The following PTPRN2 variants were observed in gnomAD, a reference collection of about 807,000 sequenced individuals.
The protein encoded by PTPRN2 is receptor-type tyrosine-protein phosphatase N2.
PTPRN2 carries 74 observed loss-of-function variants against 118.8 expected under a neutral mutation model. That is an observed-to-expected ratio of 0.62 (90% CI 0.52 to 0.76). The LOEUF is 0.76. PTPRN2 is among the 30% of genes least tolerant of loss of function. The pLI, the probability that PTPRN2 is intolerant of heterozygous loss-of-function variation, is 0.00. For synonymous variants in PTPRN2, 641 were observed against 608.0 expected (o/e 1.05, Z -0.80); for missense variants, 1,481 against 1,394.4 (o/e 1.06, Z -0.99).
At chr7:158,071,366 CATGGTGGTGGAGGTG>C (rs1811535448) in intron 11 of PTPRN2, among the ~76,000 whole-genome samples, 2 of 50,264 alleles carry the variant, frequency 4.0e-5, no homozygotes, top group Non-Finnish European at 3.7e-5. Flanking sequence ...TGGAGGTGCT[CATGGTGGTGGAGGTG>C]CTCGTGGTGG....
In PTPRN2 at chr7:157,617,082, C is replaced by T. The variant is rs1009702129; in HGVS notation, c.2344+4280G>A. On this transcript the variant is annotated intron_variant, in intron 15 of 22. Coordinates refer to ENST00000389418, the MANE Select transcript of PTPRN2 (RefSeq NM_002847.5). This position sits in a 1 kb window ranked among gnomAD's most constrained non-coding sequence, Gnocchi z 7.5. Reference sequence around the variant, plus strand: ...GAGTCTGGATTTCAGCTCTGACGGGCGGGCTCTAAACCCCAAAGTTCTTGT... The same window carrying T: ...GAGTCTGGATTTCAGCTCTGACGGGTGGGCTCTAAACCCCAAAGTTCTTGT... The T allele has an allele frequency of 7.2e-5, 11 of 152,256 alleles. No homozygotes were observed. Among genetic ancestry groups the T allele is most frequent in the South Asian group, 2.1e-4 (1 of 4,842 alleles). 9.4% of individuals were successfully genotyped at this position (152,256 alleles called of 1,614,324 possible).
At chr7:158,047,141 G>A (rs968335289) in intron 11 of PTPRN2, among the ~76,000 whole-genome samples, 2 of 152,186 alleles carry the variant, frequency 1.3e-5, no homozygotes, top group African/African-American at 4.8e-5. Flanking sequence ...GCTGAGTGCA[G>A]ACTCTGTGTG....
chr7:158,049,458 C>G (rs890164360), intron 11 of PTPRN2, among the ~76,000 whole-genome samples: 2 of 152,206 alleles, frequency 1.3e-5, no homozygotes, highest in African/African-American at 4.8e-5. Flanking sequence ...GAACTGCTGC[C>G]TGAGCATCCA....
intron 7 of PTPRN2, among the ~76,000 whole-genome samples, chr7:158,136,917 C>T (rs143876726): frequency 0.014 from 2,118 of 152,224 alleles, 48 homozygotes; most frequent in African/African-American, 0.049. Flanking sequence ...AAATGGTAGA[C>T]GTGAAGGCAG....
chr7:157,852,456 G>A lies in PTPRN2; in HGVS notation c.1788+46217C>T, dbSNP rs542370231. Among the ~76,000 whole-genome samples the A allele has an allele frequency of 2.8e-4, 43 of 152,288 alleles. No individual in the cohort carries two copies. The South Asian group carries it at 4.8e-3, about 17-fold the overall frequency. ...CCAAGTCTCCTACCCTCTAACAGAC[G>A]ACCATTTTTAAATTGAAAGTTTAAA... On this transcript the variant is annotated intron_variant, in intron 12 of 22. Coordinates refer to ENST00000389418, the MANE Select transcript of PTPRN2 (RefSeq NM_002847.5).
At chr7:158,569,668 A>ACTGACAGGAACACGGGGCGCGAGGCCGC (rs1827869906) in intron 1 of PTPRN2, among the ~76,000 whole-genome samples, 1 of 112,846 alleles carries the variant, frequency 8.9e-6, no homozygotes, top group African/African-American at 3.5e-5. Flanking sequence ...AGGCCGCCTA[A>ACTGACAGGAACACGGGGCGCGAGGCCGC]CTGACAGGAA....
At chr7:158,511,955 T>C (rs1429779682) in intron 1 of PTPRN2, among the ~76,000 whole-genome samples, 1 of 152,186 alleles carries the variant, frequency 6.6e-6, no homozygotes, top group East Asian at 1.9e-4. Context: ...GCTATTTCTA[T>C]GTTACTGTAA....
rs62493647 is a variant in PTPRN2 at position 158,342,387 on chromosome 7, T to C, written c.164-25455A>G. On this transcript the variant is annotated intron_variant, in intron 2 of 22. Transcript: ENST00000389418. ...CACACTCTCACCATAAGAGCTGACATCTGCAGACGTCACTCACACCCACAC... is the reference window on the plus strand; with the variant it reads ...CACACTCTCACCATAAGAGCTGACACCTGCAGACGTCACTCACACCCACAC... Among the ~76,000 whole-genome samples, 238 of 40,338 alleles carry C rather than the reference T, an allele frequency of 5.9e-3. 1 individual carries two copies. The highest frequency in any genetic ancestry group is 0.014 in the Middle Eastern group (1 of 74). 26.5% of individuals were successfully genotyped at this position (40,338 alleles called of 152,430 possible). A position where few individuals can be genotyped will look rare whatever the true frequency, so the allele number is the denominator to read the frequency against.
chr7:158,263,124 T>C (rs966204185), intron 3 of PTPRN2, among the ~76,000 whole-genome samples: 1 of 116,482 alleles, frequency 8.6e-6, no homozygotes, highest in African/African-American at 3.7e-5. Context: ...TGCACACACA[T>C]ACACATATAC....
chr7:157,801,842 C>T lies in PTPRN2; in HGVS notation c.1788+96831G>A, dbSNP rs1049316105. ...CTTCCTGTGTCTCCCCCAAAACACA[C>T]GTGGCTTATCAGAAACCTGCAGGAA... On this transcript the variant is annotated intron_variant, in intron 12 of 22. Transcript: ENST00000389418. The surrounding 1 kb of genome is among the most constrained non-coding windows in gnomAD (Gnocchi z 4.2). Among the ~76,000 whole-genome samples, 5 of 152,278 alleles carry T rather than the reference C, an allele frequency of 3.3e-5. No homozygotes were observed. The highest frequency in any genetic ancestry group is 3.9e-4 in the East Asian group (2 of 5,178).
chr7:158,404,475 G>C (rs1487297568), intron 2 of PTPRN2, among the ~76,000 whole-genome samples: 2 of 152,208 alleles, frequency 1.3e-5, no homozygotes, highest in African/African-American at 4.8e-5. Flanking sequence ...CCAGTCCACA[G>C]GATGAAGACA....
intron 2 of PTPRN2, among the ~76,000 whole-genome samples, chr7:158,344,850 CA>C (rs1425371439): frequency 6.6e-6 from 1 of 152,224 alleles, no homozygotes; most frequent in East Asian, 1.9e-4. Context: ...CCAGCTTGTG[CA>C]TCTGTTTCCC....
intron 2 of PTPRN2, among the ~76,000 whole-genome samples, chr7:158,476,024 G>A (rs1413522446): frequency 6.6e-6 from 1 of 152,120 alleles, no homozygotes; most frequent in African/African-American, 2.4e-5. Context: ...TTGTTGGTTT[G>A]TTTTTGAGAC....
In PTPRN2 at chr7:157,591,156, G is replaced by C. The variant is rs1800962833; in HGVS notation, c.2496+4082C>G. Among the ~76,000 whole-genome samples the C allele has an allele frequency of 2.0e-5, 3 of 152,192 alleles. No individual in the cohort carries two copies. In the South Asian group the frequency reaches 6.2e-4, roughly 32 times the overall value. ...CACGGTGGGGAAAAGCTGTGTGACAGGGAGGCAGAGATGAGGGGGACACTT... is the reference window on the plus strand; with the variant it reads ...CACGGTGGGGAAAAGCTGTGTGACACGGAGGCAGAGATGAGGGGGACACTT... On this transcript the variant is annotated intron_variant, in intron 17 of 22. Coordinates refer to ENST00000389418, the MANE Select transcript of PTPRN2 (RefSeq NM_002847.5). This position sits in a 1 kb window ranked among gnomAD's most constrained non-coding sequence, Gnocchi z 4.4.
chr7:158,400,254 C>T (rs1416791595), intron 2 of PTPRN2, among the ~76,000 whole-genome samples: 2 of 152,126 alleles, frequency 1.3e-5, no homozygotes, highest in Admixed American at 1.3e-4. Flanking sequence ...GTCTTAGTCA[C>T]TTTTGAACCA....
chr7:157,586,950 G>A (rs1800709314), intron 17 of PTPRN2, among the ~76,000 whole-genome samples: 1 of 152,350 alleles, frequency 6.6e-6, no homozygotes, highest in South Asian at 2.1e-4. Flanking sequence ...CCAGGCCAGG[G>A]TCATCTCTGG....
At chr7:158,186,278 C>T (rs1274142633) in intron 5 of PTPRN2, among the ~76,000 whole-genome samples, 2 of 152,190 alleles carry the variant, frequency 1.3e-5, no homozygotes, top group Non-Finnish European at 2.9e-5. Flanking sequence ...TGCAGTTCAT[C>T]CTCTTTTCCT....
chr7:158,099,940 A>G (rs772012507), intron 10 of PTPRN2, among the ~76,000 whole-genome samples: 29 of 144,468 alleles, frequency 2.0e-4, no homozygotes, highest in Non-Finnish European at 4.2e-4. Context: ...TTCTTTATTT[A>G]TTTTTATTTT....
intron 1 of PTPRN2, among the ~76,000 whole-genome samples, chr7:158,550,234 G>T (rs774989607): frequency 6.6e-6 from 1 of 152,224 alleles, no homozygotes; most frequent in Non-Finnish European, 1.5e-5. Context: ...CCGATAGGAA[G>T]CCTGGGGCGC....
Sources: gnomAD v4.1 joint callset for allele counts (sites outside exome capture counted in the v4.1 genomes callset) on GRCh38, gnomAD v4.1.1 for gene constraint, Gnocchi (gnomAD v3.1) non-coding constraint, MANE v1.5 for transcripts, NCBI Gene and HGNC (gene_info 2026-07-23, HGNC 2026-07-21) for gene names.